Variants in ACTR8 observed in about 807,000 individuals in gnomAD.
ACTR8 encodes actin related protein 8, also known as actin-related protein 8.
ACTR8 carries 70 observed loss-of-function variants against 84.3 expected under a neutral mutation model. The ratio of observed to expected loss-of-function variants is 0.83; its 90% CI spans 0.68 to 1.01. The LOEUF is 1.01. ACTR8 is among the 50% of genes least tolerant of loss of function. ACTR8 has a pLI of 0.00. For synonymous variants in ACTR8, 268 were observed against 275.2 expected (o/e 0.97, Z 0.26); for missense variants, 672 against 775.4 (o/e 0.87, Z 1.58).
chr3:53,868,876 G>A lies in ACTR8; in HGVS notation c.1732-14C>T. 1.2e-6 allele frequency: 2 copies of A among 1,612,178 alleles called. No homozygotes were observed. The highest frequency in any genetic ancestry group is 1.7e-6 in the Non-Finnish European group (2 of 1,179,240). On this transcript the variant is annotated splice_polypyrimidine_tract_variant and intron_variant, in intron 12 of 12. Coordinates refer to ENST00000335754, the MANE Select transcript of ACTR8 (RefSeq NM_022899.5). ...GGGGTCCATGTCCTACAGAAGGGAT[G>A]AAGGCATTTCAGCCTAATCACATAA...
At chr3:53,879,395 T>C (rs1207546711) in intron 2 of ACTR8, among the ~76,000 whole-genome samples, 1 of 152,222 alleles carries the variant, frequency 6.6e-6, no homozygotes, top group Non-Finnish European at 1.5e-5. Flanking sequence ...TGGATTATGA[T>C]GTAATATATA....
downstream of ACTR8, among the ~76,000 whole-genome samples, chr3:53,862,245 T>C (rs1261872961): frequency 1.3e-5 from 2 of 152,194 alleles, no homozygotes; most frequent in East Asian, 3.9e-4. Context: ...AAACACATCA[T>C]AATTTGGCCT....
In ACTR8 at chr3:53,874,377, G is replaced by A; in HGVS notation, c.912-13C>T. ...TGCCAGACAAAGCCTAAAGTTAAGA[G>A]AAAAGGGTAGATGGTTAATCTGTTG... On this transcript the variant is annotated splice_polypyrimidine_tract_variant and intron_variant, in intron 7 of 12. Transcript: ENST00000335754. 6.2e-7 allele frequency: 1 copy of A among 1,610,210 alleles called. No homozygotes were observed. Among genetic ancestry groups the A allele is most frequent in the Non-Finnish European group, 8.5e-7 (1 of 1,178,646 alleles).
intron 11 of ACTR8, 138 bp downstream of exon 11, chr3:53,871,094 G>C (rs1422006498): frequency 8.2e-7 from 1 of 1,217,878 alleles, no homozygotes; most frequent in East Asian, 2.5e-5. Context: ...CCCAACACCT[G>C]GCAATGCAAG....
chr3:53,860,025 T>C, the ACTR8 span: 1 of 812,608 alleles, frequency 1.2e-6, no homozygotes, highest in Non-Finnish European at 1.9e-6. Context: ...TAAAAAATAA[T>C]AAAAAATAAA....
In ACTR8 at chr3:53,877,358, G is replaced by T. The variant is rs753462436; in HGVS notation, c.540C>A (p.Tyr180Ter). The T allele has an allele frequency of 1.9e-5, 31 of 1,612,606 alleles. No individual in the cohort carries two copies. Among genetic ancestry groups the T allele is most frequent in the Middle Eastern group, 1.6e-4 (1 of 6,076 alleles). Residue 180 changes from tyrosine (Y) to a stop codon, truncating the protein, a stop_gained, in exon 5 of 13, where the codon TAC becomes TAA. Transcript: ENST00000335754. LOFTEE classifies it high-confidence loss of function. ...EALYVNPLDC[Y>*]NIHWPIRRGQ... ...CTCTTCTGATAGGCCAGTGAATATT[G>T]TAACAGTCCAGTGGATTAACATACA... is the stretch of plus-strand genomic sequence containing the variant.
intron 2 of ACTR8, 119 bp downstream of exon 2, chr3:53,879,820 T>C (rs1368303636): frequency 1.9e-6 from 2 of 1,037,716 alleles, no homozygotes; most frequent in African/African-American, 1.6e-5. Context: ...GTGACATTAT[T>C]AATGTTTTAA....
At chr3:53,872,919 C>G (rs1333759517) in intron 9 of ACTR8, 113 bp downstream of exon 9, 11 of 852,300 alleles carry the variant, frequency 1.3e-5, no homozygotes, top group Admixed American at 2.3e-5. Flanking sequence ...GGATAATCTA[C>G]AATCAGTTGA....
intron 7 of ACTR8, among the ~76,000 whole-genome samples, chr3:53,874,654 G>T (rs1699939147): frequency 6.6e-6 from 1 of 152,042 alleles, no homozygotes; most frequent in South Asian, 2.1e-4. Context: ...AACCCAGGAG[G>T]AAGAGGTTGC....
Position 53,871,354 on chromosome 3 carries a change from A to C in ACTR8, c.1445T>G (p.Met482Arg). 6.2e-7 allele frequency: 1 copy of C among 1,614,246 alleles called. No homozygotes were observed. The highest frequency in any genetic ancestry group is 2.2e-5 in the East Asian group (1 of 44,882). ...DLGSAQGDGL[M>R]AGNDSEEALT... ...GGCCTCCTCGGAATCGTTGCCGGCC[A>C]TCAGGCCATCTCCCTGTGCAGACCC... is the stretch of plus-strand genomic sequence containing the variant. The change falls in exon 11 of 13, where the codon ATG (methionine) becomes AGG (arginine). Residue 482 changes from methionine (M) to arginine (R), a missense_variant. Physicochemically the swap from Met to Arg is moderately conservative, Grantham distance 91. Transcript: ENST00000335754.
Position 53,873,950 on chromosome 3 carries a change from G to A in ACTR8, c.1065+261C>T, listed in dbSNP as rs527530422. Among the ~76,000 whole-genome samples the A allele has an allele frequency of 6.6e-4, 101 of 152,082 alleles. 1 individual carries two copies. In the East Asian group the frequency reaches 0.014, roughly 21 times the overall value. On this transcript the variant is annotated intron_variant, in intron 8 of 12. Transcript: ENST00000335754. ...CGCCATTCTCCCGCCTCAGCCTCCC[G>A]AGTAGCTGGGACTACAGGTGCCCGC...
the ACTR8 span, chr3:53,861,190 T>G: frequency 6.6e-6 from 1 of 152,140 alleles, no homozygotes; most frequent in Non-Finnish European, 1.5e-5. Flanking sequence ...TCGTGTTTAG[T>G]GCAATATCGT....
At chr3:53,871,586 C>G (rs554497377) in intron 10 of ACTR8, 90 bp from the exon 11 acceptor site, 960 of 1,460,482 alleles carry the variant, frequency 6.6e-4, no homozygotes, top group Non-Finnish European at 7.8e-4. Context: ...TACCCTACTA[C>G]TATAAAACAA....
Position 53,868,567 on chromosome 3 carries a change from C to T in ACTR8, c.*152G>A. On this transcript the variant is annotated 3_prime_UTR_variant, in exon 13 of 13. Coordinates refer to ENST00000335754, the MANE Select transcript of ACTR8 (RefSeq NM_022899.5). ...TCAAAAGCAGTTTATATTTTCAAACCAATGTCATGTCCTCAACATAAAGTT... is the reference window on the plus strand; with the variant it reads ...TCAAAAGCAGTTTATATTTTCAAACTAATGTCATGTCCTCAACATAAAGTT... 1 of 1,211,340 alleles carries T rather than the reference C, an allele frequency of 8.3e-7. No homozygotes were observed. Among genetic ancestry groups the T allele is most frequent in the Non-Finnish European group, 1.1e-6 (1 of 886,628 alleles). 75.0% of individuals were successfully genotyped at this position (1,211,340 alleles called of 1,614,324 possible).
chr3:53,875,010 C>A (rs1304173252), intron 7 of ACTR8, among the ~76,000 whole-genome samples: 1 of 152,168 alleles, frequency 6.6e-6, no homozygotes, highest in African/African-American at 2.4e-5. Context: ...GCATGTAAGG[C>A]AGCAATGACA....
intron 7 of ACTR8, among the ~76,000 whole-genome samples, chr3:53,875,412 T>G (rs1232705418): frequency 6.6e-6 from 1 of 152,184 alleles, no homozygotes; most frequent in African/African-American, 2.4e-5. Flanking sequence ...TGTGCTTACA[T>G]ATGTTAGGCT....
At chr3:53,877,417 T>C (rs370705522) in intron 4 of ACTR8, 30 bp from the exon 5 acceptor site, 15 of 1,554,518 alleles carry the variant, frequency 9.6e-6, no homozygotes, top group Non-Finnish European at 1.3e-5. Context: ...ATGAGTACTT[T>C]GTTAAAACTT....
intron 6 of ACTR8, among the ~76,000 whole-genome samples, chr3:53,876,290 G>A (rs1233200971): frequency 1.3e-5 from 2 of 152,114 alleles, no homozygotes; most frequent in Admixed American, 6.5e-5. Flanking sequence ...AGGCCAAGGT[G>A]GGAGGATCAC....
downstream of ACTR8, chr3:53,865,094 G>C (rs555347777): frequency 8.7e-6 from 14 of 1,614,160 alleles, no homozygotes; most frequent in South Asian, 1.5e-4. Flanking sequence ...CTTTTCTGCA[G>C]TGATCTAAGA....
Sources: allele counts gnomAD v4.1 joint callset (sites outside exome capture counted in the v4.1 genomes callset), GRCh38; gene constraint gnomAD v4.1.1; transcripts MANE v1.5; gene names NCBI Gene and HGNC (gene_info 2026-07-23, HGNC 2026-07-21).